Variants in RPS6KC1 observed in about 807,000 individuals in gnomAD.
RPS6KC1 encodes ribosomal protein S6 kinase C1.
Under a neutral mutation model 103.8 loss-of-function variants are expected in RPS6KC1, and 54 were observed. The observed-to-expected ratio is 0.52, with a 90% CI of 0.42 to 0.65. The LOEUF (loss-of-function observed/expected upper bound fraction) is 0.65. Ranked by LOEUF, RPS6KC1 falls within the 30% of genes least tolerant of loss-of-function variation. The pLI is 0.00. For synonymous variants in RPS6KC1, 439 were observed against 438.7 expected, an observed-to-expected ratio of 1.00 and a Z score of -0.01; for missense variants, 1,151 against 1,253.8, an observed-to-expected ratio of 0.92 and a Z score of 1.24.
At chr1:213,570,814 TCC>T in the RPS6KC1 span, among the ~76,000 whole-genome samples, 1 of 152,312 alleles carries the variant, frequency 6.6e-6, no homozygotes, top group East Asian at 1.9e-4. Flanking sequence ...TCCACATTGA[TCC>T]CATCTACTCT....
intron 3 of RPS6KC1, among the ~76,000 whole-genome samples, chr1:213,081,431 G>A (rs191002386): frequency 6.6e-6 from 1 of 152,220 alleles, no homozygotes; most frequent in Non-Finnish European, 1.5e-5. Context: ...AGCCACTCAT[G>A]AGACATCCAT....
the RPS6KC1 span, among the ~76,000 whole-genome samples, chr1:213,625,745 C>G: frequency 6.6e-6 from 1 of 152,204 alleles, no homozygotes; most frequent in African/African-American, 2.4e-5. Flanking sequence ...CATGTCCCTA[C>G]AAAGGATATG....
the RPS6KC1 span, among the ~76,000 whole-genome samples, chr1:213,389,123 CTT>C: frequency 1.4e-5 from 2 of 144,760 alleles, no homozygotes; most frequent in African/African-American, 2.5e-5. Flanking sequence ...CTGGAGCTAG[CTT>C]TTTTTTTTTT....
chr1:213,556,475 A>G, the RPS6KC1 span, among the ~76,000 whole-genome samples: 1 of 152,222 alleles, frequency 6.6e-6, no homozygotes, highest in Admixed American at 6.5e-5. Context: ...AAGGCTGTTA[A>G]GATTTATGCA....
the RPS6KC1 span, among the ~76,000 whole-genome samples, chr1:213,594,005 A>AC: frequency 6.6e-6 from 1 of 152,196 alleles, no homozygotes; most frequent in South Asian, 2.1e-4. Flanking sequence ...ATCTGGGATT[A>AC]CAGGCGTGCA....
chr1:213,536,621 C>T, the RPS6KC1 span, among the ~76,000 whole-genome samples: 4,575 of 152,162 alleles, frequency 0.03, 218 homozygotes, highest in African/African-American at 0.1. Context: ...AAAGGTGAGC[C>T]GTTGAGTGTG....
the RPS6KC1 span, among the ~76,000 whole-genome samples, chr1:213,366,379 G>C: frequency 6.6e-6 from 1 of 152,230 alleles, no homozygotes; most frequent in African/African-American, 2.4e-5. Flanking sequence ...GATGTTGCTT[G>C]ATAAGTTGAG....
intron 8 of RPS6KC1, among the ~76,000 whole-genome samples, chr1:213,192,433 C>T (rs1233018487): frequency 2.6e-5 from 4 of 152,088 alleles, no homozygotes; most frequent in Admixed American, 2.6e-4. Flanking sequence ...CTCTGTTTTT[C>T]AGAGTAGTTT....
At chr1:213,126,618 C>G (rs1292303945) in intron 5 of RPS6KC1, among the ~76,000 whole-genome samples, 3 of 152,078 alleles carry the variant, frequency 2.0e-5, no homozygotes, top group Non-Finnish European at 2.9e-5. Flanking sequence ...CTGAATCTGG[C>G]CTGCCACCTG....
chr1:213,145,903 A>G (rs1285534448), intron 6 of RPS6KC1, among the ~76,000 whole-genome samples: 3 of 150,112 alleles, frequency 2.0e-5, no homozygotes, highest in East Asian at 1.9e-4. Context: ...AAAATGTACA[A>G]TTAAGTTATT....
At chr1:213,446,353 TG>T in the RPS6KC1 span, among the ~76,000 whole-genome samples, 13 of 152,326 alleles carry the variant, frequency 8.5e-5, no homozygotes, top group Admixed American at 6.5e-4. Context: ...GGATGATACA[TG>T]GGATTTGACT....
the RPS6KC1 span, among the ~76,000 whole-genome samples, chr1:213,576,241 T>C: frequency 2.0e-5 from 3 of 152,040 alleles, no homozygotes; most frequent in East Asian, 1.9e-4. Context: ...AAAAATAATA[T>C]AAATTTAAAA....
chr1:213,199,062 G>A (rs1246819439), intron 8 of RPS6KC1, among the ~76,000 whole-genome samples: 1 of 152,142 alleles, frequency 6.6e-6, no homozygotes, highest in Non-Finnish European at 1.5e-5. Context: ...TTCTACAGAT[G>A]TACAAAGAAG....
the RPS6KC1 span, among the ~76,000 whole-genome samples, chr1:213,577,113 G>A: frequency 5.6e-4 from 85 of 152,248 alleles, no homozygotes; most frequent in African/African-American, 1.9e-3. Context: ...TCGTGGGAGG[G>A]ACACTGTTGG....
chr1:213,754,594 C>T, the RPS6KC1 span, among the ~76,000 whole-genome samples: 7 of 152,164 alleles, frequency 4.6e-5, no homozygotes, highest in East Asian at 1.9e-4. Context: ...GTTCCTGCCA[C>T]GTAAGAAGGC....
the RPS6KC1 span, among the ~76,000 whole-genome samples, chr1:213,660,651 T>C: frequency 1.3e-5 from 2 of 149,454 alleles, no homozygotes; most frequent in African/African-American, 4.8e-5. Flanking sequence ...ATAATATTAG[T>C]GGGAGAATGG....
the RPS6KC1 span, among the ~76,000 whole-genome samples, chr1:213,528,386 T>G: frequency 2.0e-5 from 3 of 152,136 alleles, no homozygotes; most frequent in African/African-American, 4.8e-5. Flanking sequence ...ACCCCCATGA[T>G]TCAATTAACT....
chr1:213,503,790 T>C, the RPS6KC1 span, among the ~76,000 whole-genome samples: 2 of 152,224 alleles, frequency 1.3e-5, no homozygotes. Context: ...CTGCCATCCT[T>C]GTATGGTGCC....
chr1:213,717,338 G>A, the RPS6KC1 span, among the ~76,000 whole-genome samples: 1 of 152,196 alleles, frequency 6.6e-6, no homozygotes. Context: ...CACAGCAGGG[G>A]TAAATTCTGT....
Sources: gnomAD v4.1 joint callset for allele counts (sites outside exome capture counted in the v4.1 genomes callset) on GRCh38, gnomAD v4.1.1 for gene constraint, MANE v1.5 for transcripts, NCBI Gene and HGNC (gene_info 2026-07-23, HGNC 2026-07-21) for gene names.